MYO10: variants seen among roughly 807,000 people sequenced by gnomAD.
MYO10 encodes the protein myosin X.
In MYO10, 133 loss-of-function variants were observed where a neutral mutation model predicts 257.3. That is an observed-to-expected ratio of 0.52 (90% CI 0.45 to 0.60). The LOEUF is 0.60. MYO10 is among the 20% of genes least tolerant of loss of function. The pLI is 0.00. For missense variants in MYO10, 2,399 were observed against 2,635.7 expected (o/e 0.91, Z 1.97); for synonymous variants, 1,104 against 1,028.6 (o/e 1.07, Z -1.40).
chr5:16,721,089 C>G (rs965626778), intron 19 of MYO10, among the ~76,000 whole-genome samples: 1 of 152,092 alleles, frequency 6.6e-6, no homozygotes, highest in African/African-American at 2.4e-5. Context: ...TTCTGATAAC[C>G]CCTCTTCAAC....
intron 3 of MYO10, among the ~76,000 whole-genome samples, chr5:16,807,134 G>A (rs1012267454): frequency 2.6e-5 from 4 of 152,080 alleles, no homozygotes; most frequent in Non-Finnish European, 2.9e-5. Context: ...CCATCCCCCC[G>A]TTTCCTTCTC....
chr5:16,663,316 T>G lies in MYO10; in HGVS notation c.*3376A>C, dbSNP rs1736039016. On this transcript the variant is annotated 3_prime_UTR_variant, in exon 41 of 41. Transcript: ENST00000513610. ...GCTACAGCTGGAAAAAAGTAACATTTTACTTCTAGTTGTTTTTTTTTTTTT... is the reference window on the plus strand; with the variant it reads ...GCTACAGCTGGAAAAAAGTAACATTGTACTTCTAGTTGTTTTTTTTTTTTT... The G allele has an allele frequency of 7.2e-6, 1 of 139,322 alleles. No homozygotes were observed. Among genetic ancestry groups the G allele is most frequent in the Admixed American group, 7.4e-5 (1 of 13,568 alleles). The allele number at this position is 139,322 out of a possible 1,614,324, so 8.6% of individuals were successfully genotyped here. A position where few individuals can be genotyped will look rare whatever the true frequency, so the allele number is the denominator to read the frequency against.
In MYO10 at chr5:16,781,721, G is replaced by A. The variant is rs1271776054; in HGVS notation, c.711C>T (p.Gly237=). The change falls in exon 6 of 41, where the codon GGC becomes GGT. Residue 237 remains glycine, a synonymous_variant. Coordinates refer to ENST00000513610, the MANE Select transcript of MYO10 (RefSeq NM_012334.3). ...LNICQKGNIQ[G]GRIVDYLLEK... is the part of the protein sequence containing the mutation. Reference sequence around the variant, plus strand: ...AGAGGATACAATCTACAATTCTCCCGCCCTGAATATTTCCTTTCTGACAGA... The same window carrying A: ...AGAGGATACAATCTACAATTCTCCCACCCTGAATATTTCCTTTCTGACAGA... 7.4e-6 allele frequency: 12 copies of A among 1,613,470 alleles called. No homozygotes were observed. The highest frequency in any genetic ancestry group is 4.0e-5 in the African/African-American group (3 of 74,868).
chr5:16,881,295 C>T (rs1277381083), intron 1 of MYO10, among the ~76,000 whole-genome samples: 2 of 152,164 alleles, frequency 1.3e-5, no homozygotes, highest in African/African-American at 4.8e-5. Context: ...TTCCACAGGC[C>T]ATCCAGAACA....
At chr5:16,689,943 A>G in intron 27 of MYO10, 24 bp from the exon 28 acceptor site, 1 of 1,538,194 alleles carries the variant, frequency 6.5e-7, no homozygotes, top group Non-Finnish European at 9.0e-7. Context: ...AAAGCAACAA[A>G]CGCACATCAG....
At chr5:16,705,069 T>C (rs1424288774) in intron 21 of MYO10, among the ~76,000 whole-genome samples, 2 of 152,116 alleles carry the variant, frequency 1.3e-5, no homozygotes, top group Non-Finnish European at 2.9e-5. Context: ...GTCTACGTAA[T>C]ATGATTCAGA....
intron 2 of MYO10, among the ~76,000 whole-genome samples, chr5:16,857,985 T>A (rs886851447): frequency 7.9e-5 from 12 of 152,146 alleles, no homozygotes; most frequent in Admixed American, 7.9e-4. Context: ...AGCCTTTAGA[T>A]CAGGCTTGGC....
intron 2 of MYO10, among the ~76,000 whole-genome samples, chr5:16,832,147 C>G (rs796492451): frequency 6.6e-6 from 1 of 152,084 alleles, no homozygotes; most frequent in Non-Finnish European, 1.5e-5. Flanking sequence ...GCCACGTTGT[C>G]CAGGCTGGTG....
At chr5:16,748,040 T>G (rs1381861606) in intron 19 of MYO10, among the ~76,000 whole-genome samples, 1 of 151,312 alleles carries the variant, frequency 6.6e-6, no homozygotes, top group Non-Finnish European at 1.5e-5. Context: ...ATGTGTCACA[T>G]TATCATCCGA....
chr5:16,831,192 C>A (rs562737760), intron 2 of MYO10, among the ~76,000 whole-genome samples: 2 of 152,030 alleles, frequency 1.3e-5, no homozygotes, highest in Non-Finnish European at 2.9e-5. Flanking sequence ...CCTGCAGGAA[C>A]GGCCACAGTC....
chr5:16,754,900 C>T lies in MYO10; in HGVS notation c.1857G>A (p.Leu619=). The change falls in exon 19 of 41, where the codon CTG becomes CTA. Residue 619 remains leucine (L), a synonymous_variant. Coordinates refer to ENST00000513610, the MANE Select transcript of MYO10 (RefSeq NM_012334.3). ...PTVSSQFKDS[L]HSLMATLSSS... is the part of the protein sequence containing the mutation. ...AGCTTAGCGTTGCCATTAAGGAATGCAGTGAGTCCTATTAGAAAAAGTATA... is the reference window on the plus strand; with the variant it reads ...AGCTTAGCGTTGCCATTAAGGAATGTAGTGAGTCCTATTAGAAAAAGTATA... 6.3e-7 allele frequency: 1 copy of T among 1,589,898 alleles called. No individual in the cohort carries two copies. The highest frequency in any genetic ancestry group is 1.7e-5 in the Admixed American group (1 of 58,422).
chr5:16,894,353 G>A (rs1745161651), intron 1 of MYO10, among the ~76,000 whole-genome samples: 1 of 152,028 alleles, frequency 6.6e-6, no homozygotes, highest in African/African-American at 2.4e-5. Context: ...TTTTTTCCTG[G>A]CTAGACCGAA....
intron 19 of MYO10, among the ~76,000 whole-genome samples, chr5:16,728,934 T>C (rs1739474595): frequency 6.6e-6 from 1 of 152,246 alleles, no homozygotes; most frequent in African/African-American, 2.4e-5. Flanking sequence ...GTATTTTTCT[T>C]TTCTTTTCTT....
At chr5:16,898,056 C>G (rs1745263590) in intron 1 of MYO10, among the ~76,000 whole-genome samples, 1 of 152,022 alleles carries the variant, frequency 6.6e-6, no homozygotes, top group Non-Finnish European at 1.5e-5. Flanking sequence ...GCACTGCTGG[C>G]AGGTAGGAGG....
At chr5:16,913,562 T>C (rs1745731917) in intron 1 of MYO10, among the ~76,000 whole-genome samples, 1 of 152,184 alleles carries the variant, frequency 6.6e-6, no homozygotes, top group African/African-American at 2.4e-5. Flanking sequence ...AGGTGGCCAG[T>C]GCCCAGAGTG....
intron 1 of MYO10, among the ~76,000 whole-genome samples, chr5:16,926,370 C>CCTCA (rs1746132735): frequency 6.6e-6 from 1 of 152,054 alleles, no homozygotes; most frequent in Admixed American, 6.6e-5. Flanking sequence ...TACTGTCCTG[C>CCTCA]CTCAGCAAAG....
At chr5:16,863,980 C>T (rs1744174516) in intron 2 of MYO10, among the ~76,000 whole-genome samples, 1 of 152,118 alleles carries the variant, frequency 6.6e-6, no homozygotes, top group Non-Finnish European at 1.5e-5. Flanking sequence ...CACCTGCAGT[C>T]CCAGCTACTT....
At chr5:16,778,135 C>T (rs1351059323) in intron 9 of MYO10, among the ~76,000 whole-genome samples, 3 of 152,064 alleles carry the variant, frequency 2.0e-5, no homozygotes, top group African/African-American at 7.2e-5. Flanking sequence ...CAGGCATGAG[C>T]CACCGTGCCC....
intron 1 of MYO10, among the ~76,000 whole-genome samples, chr5:16,907,025 A>C (rs113101492): frequency 0.042 from 6,339 of 152,206 alleles, 144 homozygotes; most frequent in Non-Finnish European, 0.05. Flanking sequence ...GAGGCAGGAG[A>C]ATCACTTGAA....
Sources: allele counts gnomAD v4.1 joint callset (sites outside exome capture counted in the v4.1 genomes callset), GRCh38; gene constraint gnomAD v4.1.1; transcripts MANE v1.5; gene names NCBI Gene and HGNC (gene_info 2026-07-23, HGNC 2026-07-21).